Variants in DNM3 observed in about 807,000 individuals in gnomAD.
DNM3 encodes the protein dynamin 3.
Under a neutral mutation model 101.6 loss-of-function variants are expected in DNM3, and 47 were observed. The ratio of observed to expected loss-of-function variants is 0.46; its 90% CI spans 0.37 to 0.59. DNM3 has a LOEUF of 0.59. DNM3 is among the 20% of genes least tolerant of loss of function. The pLI, the probability that DNM3 is intolerant of heterozygous loss-of-function variation, is 0.00. For synonymous variants in DNM3, 385 were observed against 387.9 expected, an observed-to-expected ratio of 0.99 and a Z score of 0.09; for missense variants, 849 against 1,085.7, an observed-to-expected ratio of 0.78 and a Z score of 3.06.
chr1:171,987,392 T>G (rs1476425397), intron 2 of DNM3: 1 of 872,570 alleles, frequency 1.1e-6, no homozygotes, highest in Non-Finnish European at 1.4e-6. Context: ...TTAAATTATT[T>G]AATAGGCTAG....
intron 2 of DNM3, among the ~76,000 whole-genome samples, chr1:171,929,536 G>T (rs2040837422): frequency 6.6e-6 from 1 of 152,070 alleles, no homozygotes. Context: ...GGAGGAAGGG[G>T]ACTGGGGACC....
intron 2 of DNM3, among the ~76,000 whole-genome samples, chr1:171,975,268 G>T (rs949415314): frequency 2.0e-5 from 3 of 152,090 alleles, no homozygotes; most frequent in Non-Finnish European, 2.9e-5. Context: ...AGATGAATTG[G>T]CTCGGCATTT....
At position 172,209,570 on chromosome 1, in the gene DNM3, A is replaced by G. The variant is rs865969117; in HGVS notation, c.1660-44003A>G. 5.3e-5 allele frequency among the ~76,000 whole-genome samples: 8 copies of G among 152,094 alleles called. 1 individual carries two copies. The highest frequency in any genetic ancestry group is 6.8e-3 in the Middle Eastern group (2 of 294). On this transcript the variant is annotated intron_variant, in intron 14 of 20. Transcript: ENST00000627582. ...CTCTGAGGCCAGGGTGATTATTGCT[A>G]TTTGCATTAAGCAAGGAGAAGACTC...
chr1:172,200,061 A>G (rs2060097943), intron 14 of DNM3, among the ~76,000 whole-genome samples: 1 of 151,968 alleles, frequency 6.6e-6, no homozygotes, highest in African/African-American at 2.4e-5. Flanking sequence ...TCCTTTCTAT[A>G]TTTCATGTTC....
intron 13 of DNM3, among the ~76,000 whole-genome samples, chr1:172,113,107 G>T (rs1050173392): frequency 1.3e-5 from 2 of 152,060 alleles, no homozygotes; most frequent in African/African-American, 4.8e-5. Flanking sequence ...GATGATTAAA[G>T]GTAAATAGGG....
At chr1:171,924,537 A>C (rs942668371) in intron 2 of DNM3, among the ~76,000 whole-genome samples, 20 of 152,212 alleles carry the variant, frequency 1.3e-4, no homozygotes, top group Admixed American at 1.1e-3. Flanking sequence ...ACAAGGTGGC[A>C]GGAAGGAGAA....
At chr1:172,085,322 C>T (rs2053453827) in intron 12 of DNM3, among the ~76,000 whole-genome samples, 1 of 151,876 alleles carries the variant, frequency 6.6e-6, no homozygotes, top group Admixed American at 6.6e-5. Context: ...AAAATAAGAA[C>T]TGGCCCAATT....
At chr1:172,340,697 C>T (rs1355345535) in intron 17 of DNM3, among the ~76,000 whole-genome samples, 1 of 152,214 alleles carries the variant, frequency 6.6e-6, no homozygotes, top group African/African-American at 2.4e-5. Context: ...GAAGCAGAGA[C>T]TATGGTGTTT....
intron 4 of DNM3, 127 bp downstream of exon 4, chr1:171,989,275 A>G (rs947786294): frequency 5.5e-5 from 33 of 602,162 alleles, no homozygotes; most frequent in Non-Finnish European, 7.7e-5. Flanking sequence ...ATGTTGTTAA[A>G]CCTTTTGTAT....
intron 2 of DNM3, among the ~76,000 whole-genome samples, chr1:171,981,591 A>G (rs1263388871): frequency 1.3e-5 from 2 of 152,262 alleles, no homozygotes; most frequent in Admixed American, 1.3e-4. Context: ...TTTCATGACC[A>G]GTAAAAATGA....
intron 14 of DNM3, among the ~76,000 whole-genome samples, chr1:172,160,110 G>A (rs1451294905): frequency 2.6e-5 from 4 of 151,390 alleles, no homozygotes; most frequent in Admixed American, 1.3e-4. Context: ...ACTATCAACC[G>A]AGCTTTCAGG....
chr1:172,362,196 A>C (rs149358033), intron 17 of DNM3, among the ~76,000 whole-genome samples: 642 of 152,126 alleles, frequency 4.2e-3, no homozygotes, highest in Middle Eastern at 0.014. Context: ...AACTGTGTGT[A>C]ATACATTAAA....
chr1:172,362,173 A>G (rs1336791977), intron 17 of DNM3, among the ~76,000 whole-genome samples: 1 of 152,018 alleles, frequency 6.6e-6, no homozygotes, highest in Non-Finnish European at 1.5e-5. Context: ...CTTATTAAAT[A>G]TGATTGAGTA....
intron 2 of DNM3, 39 bp downstream of exon 2, chr1:171,921,860 C>T (rs1266667041): frequency 6.5e-7 from 1 of 1,544,520 alleles, no homozygotes; most frequent in Non-Finnish European, 8.8e-7. Flanking sequence ...ATGGGCACAT[C>T]CTGTGGCCCC....
intron 14 of DNM3, among the ~76,000 whole-genome samples, chr1:172,188,087 A>G (rs1238307867): frequency 6.6e-6 from 1 of 152,114 alleles, no homozygotes; most frequent in Non-Finnish European, 1.5e-5. Flanking sequence ...GTGTGTATGT[A>G]TGTAATATGT....
At position 171,994,630 on chromosome 1, in the gene DNM3, C is replaced by T. The variant is rs116760891; in HGVS notation, c.589+5482C>T. Reference sequence around the variant, plus strand: ...GTGGCTTTCTAGATTCTAGGTTGTACATATATACAAAATTTTCAATGGCCT... The same window carrying T: ...GTGGCTTTCTAGATTCTAGGTTGTATATATATACAAAATTTTCAATGGCCT... On this transcript the variant is annotated intron_variant, in intron 4 of 20. Coordinates refer to ENST00000627582, the MANE Select transcript of DNM3 (RefSeq NM_015569.5). Among the ~76,000 whole-genome samples, 1,030 of 152,134 alleles carry T rather than the reference C, an allele frequency of 6.8e-3. 11 individuals are homozygous for T. The highest frequency in any genetic ancestry group is 0.023 in the African/African-American group (964 of 41,504).
chr1:171,920,186 T>C (rs986610142), intron 1 of DNM3, among the ~76,000 whole-genome samples: 10 of 152,214 alleles, frequency 6.6e-5, no homozygotes, highest in Non-Finnish European at 1.3e-4. Flanking sequence ...TTTTATCTTT[T>C]TGACTCTCCA....
intron 14 of DNM3, among the ~76,000 whole-genome samples, chr1:172,211,566 A>G (rs1404247260): frequency 1.3e-5 from 2 of 152,280 alleles, no homozygotes; most frequent in African/African-American, 4.8e-5. Flanking sequence ...AGCAGCTAGA[A>G]TATGCTTTTC....
intron 17 of DNM3, 93 bp downstream of exon 17, chr1:172,323,433 A>G (rs2065813417): frequency 1.4e-6 from 2 of 1,446,856 alleles, no homozygotes; most frequent in East Asian, 2.4e-5. Flanking sequence ...GCATGCTGGA[A>G]TGACTGTCAT....
Sources: gnomAD v4.1 joint callset for allele counts (sites outside exome capture counted in the v4.1 genomes callset) on GRCh38, gnomAD v4.1.1 for gene constraint, MANE v1.5 for transcripts, NCBI Gene and HGNC (gene_info 2026-07-23, HGNC 2026-07-21) for gene names.